The following PRKN variants were observed in gnomAD, a reference collection of about 807,000 sequenced individuals.
PRKN encodes the protein parkin RBR E3 ubiquitin protein ligase.
PRKN carries 56 observed loss-of-function variants against 59.5 expected under a neutral mutation model. The observed-to-expected ratio is 0.94, with a 90% CI of 0.76 to 1.18. The LOEUF is 1.18. PRKN is among the 50% of genes most tolerant of loss of function. The pLI, the probability that PRKN is intolerant of heterozygous loss-of-function variation, is 0.00. For missense variants in PRKN, 657 were observed against 596.4 expected, an observed-to-expected ratio of 1.10 and a Z score of -1.06; for synonymous variants, 250 against 222.1, an observed-to-expected ratio of 1.13 and a Z score of -1.12.
chr6:161,743,018 C>T (rs1788252390), intron 7 of PRKN, among the ~76,000 whole-genome samples: 1 of 152,230 alleles, frequency 6.6e-6, no homozygotes. Flanking sequence ...CTGTAATACT[C>T]TAAGAAGCAT....
At chr6:161,975,698 C>T (rs571602967) in intron 5 of PRKN, among the ~76,000 whole-genome samples, 9 of 152,216 alleles carry the variant, frequency 5.9e-5, no homozygotes, top group African/African-American at 9.6e-5. Flanking sequence ...CATCAAGATT[C>T]GCATTTCTAA....
chr6:161,422,342 G>GC (rs1788142935), intron 9 of PRKN, among the ~76,000 whole-genome samples: 2 of 151,830 alleles, frequency 1.3e-5, no homozygotes, highest in South Asian at 4.2e-4. Flanking sequence ...GGGACTACAG[G>GC]CACCCACCAC....
At chr6:161,657,660 T>C (rs943730629) in intron 7 of PRKN, among the ~76,000 whole-genome samples, 1 of 152,168 alleles carries the variant, frequency 6.6e-6, no homozygotes, top group Non-Finnish European at 1.5e-5. Context: ...CTTCTGTTTC[T>C]TGACACAGCC....
intron 6 of PRKN, among the ~76,000 whole-genome samples, chr6:161,868,711 A>G (rs963705616): frequency 6.6e-6 from 1 of 152,252 alleles, no homozygotes; most frequent in Non-Finnish European, 1.5e-5. Flanking sequence ...CACTAAGCAG[A>G]CATTTTGAAA....
intron 1 of PRKN, among the ~76,000 whole-genome samples, chr6:162,578,529 T>C (rs1780652354): frequency 6.6e-6 from 1 of 152,210 alleles, no homozygotes; most frequent in Non-Finnish European, 1.5e-5. Context: ...ATGTCTGTTT[T>C]GAGGACAATG....
chr6:161,497,592 C>T lies in PRKN; in HGVS notation c.1083+51262G>A, dbSNP rs1777803857. Among the ~76,000 whole-genome samples the T allele has an allele frequency of 6.6e-6, 1 of 152,120 alleles. No individual in the cohort carries two copies. On this transcript the variant is annotated intron_variant, in intron 9 of 11. Transcript: ENST00000366898. The surrounding 1 kb of genome is among the most constrained non-coding windows in gnomAD (Gnocchi z 4.6). ...TCTCTCTCTCTCACACACACACACACACACACCATATCCCACTTACAGACT... is the reference window on the plus strand; with the variant it reads ...TCTCTCTCTCTCACACACACACACATACACACCATATCCCACTTACAGACT...
At chr6:162,135,398 C>G (rs1177963792) in intron 4 of PRKN, among the ~76,000 whole-genome samples, 2 of 152,184 alleles carry the variant, frequency 1.3e-5, no homozygotes, top group Non-Finnish European at 2.9e-5. Flanking sequence ...AATATGGAAT[C>G]TGAGAAATTA....
Position 161,551,066 on chromosome 6 carries a change from T to C in PRKN, c.934-2063A>G, listed in dbSNP as rs1443925246. Among the ~76,000 whole-genome samples, 4 of 152,140 alleles carry C rather than the reference T, an allele frequency of 2.6e-5. No homozygotes were observed. The highest frequency in any genetic ancestry group is 9.7e-5 in the African/African-American group (4 of 41,416). ...CTAAGAGTTCGGATGGCAAACAAACTAGAATCTCTGAATTTATGGGGTAAG... is the reference window on the plus strand; with the variant it reads ...CTAAGAGTTCGGATGGCAAACAAACCAGAATCTCTGAATTTATGGGGTAAG... On this transcript the variant is annotated intron_variant, in intron 8 of 11. Coordinates refer to ENST00000366898, the MANE Select transcript of PRKN (RefSeq NM_004562.3). This position sits in a 1 kb window ranked among gnomAD's most constrained non-coding sequence, Gnocchi z 5.2.
chr6:161,367,887 A>G (rs1485747143), intron 10 of PRKN, among the ~76,000 whole-genome samples: 1 of 152,188 alleles, frequency 6.6e-6, no homozygotes, highest in African/African-American at 2.4e-5. Context: ...CTTGTCATTA[A>G]CTATTTCAGC....
chr6:161,372,486 G>A lies in PRKN; in HGVS notation c.1168-12281C>T, dbSNP rs1451966063. On this transcript the variant is annotated intron_variant, in intron 10 of 11. Transcript: ENST00000366898. This position sits in a 1 kb window ranked among gnomAD's most constrained non-coding sequence, Gnocchi z 4.2. ...AGAAATATTTTCATTCAAGAAACAT[G>A]TGTTGGGTGTCTAAGATGTGCCAGG... Among the ~76,000 whole-genome samples, 1 of 152,226 alleles carries A rather than the reference G, an allele frequency of 6.6e-6. No individual in the cohort carries two copies. Among genetic ancestry groups the A allele is most frequent in the Non-Finnish European group, 1.5e-5 (1 of 68,040 alleles).
intron 7 of PRKN, among the ~76,000 whole-genome samples, chr6:161,626,527 A>G (rs1783096458): frequency 6.6e-6 from 1 of 152,206 alleles, no homozygotes. Context: ...TGTGGTTGCC[A>G]GACTGAAAGA....
intron 6 of PRKN, among the ~76,000 whole-genome samples, chr6:161,912,620 G>A (rs1197956956): frequency 6.6e-6 from 1 of 151,998 alleles, no homozygotes; most frequent in Non-Finnish European, 1.5e-5. Flanking sequence ...AGAGAGCCCT[G>A]GAGGCTACAT....
chr6:161,923,662 G>A (rs77407668), intron 6 of PRKN, among the ~76,000 whole-genome samples: 2,358 of 152,140 alleles, frequency 0.015, 63 homozygotes, highest in East Asian at 0.069. Flanking sequence ...TAACTGTATT[G>A]TTATTGTTGC....
At chr6:162,595,749 T>C (rs1781476023) in intron 1 of PRKN, among the ~76,000 whole-genome samples, 1 of 152,178 alleles carries the variant, frequency 6.6e-6, no homozygotes, top group African/African-American at 2.4e-5. Flanking sequence ...GTTGAACATG[T>C]GTTCCTCTCT....
chr6:162,054,224 T>C (rs375005083), intron 4 of PRKN, 50 bp from the exon 5 acceptor site: 61 of 1,069,840 alleles, frequency 5.7e-5, no homozygotes, highest in Non-Finnish European at 7.9e-5. Context: ...AATAGAAATG[T>C]ACTCCTTAAG....
At chr6:161,509,679 A>G (rs566300167) in intron 9 of PRKN, among the ~76,000 whole-genome samples, 1 of 152,196 alleles carries the variant, frequency 6.6e-6, no homozygotes, top group Admixed American at 6.5e-5. Context: ...TAGGAGTTCG[A>G]GACCAGCCTG....
At chr6:162,374,776 A>G (rs1562711723) in intron 2 of PRKN, among the ~76,000 whole-genome samples, 2 of 152,016 alleles carry the variant, frequency 1.3e-5, no homozygotes, top group Admixed American at 6.6e-5. Context: ...AAAATATAGT[A>G]TTTTGGGGAG....
At chr6:162,466,298 G>A (rs1177165863) in intron 1 of PRKN, among the ~76,000 whole-genome samples, 2 of 152,092 alleles carry the variant, frequency 1.3e-5, no homozygotes, top group Admixed American at 6.5e-5. Context: ...TCTTCAGGAG[G>A]CAGAAGCAAT....
rs1779817850 is a variant in PRKN, at chr6:161,546,961, G to A, written c.1083+1893C>T. On this transcript the variant is annotated intron_variant, in intron 9 of 11. Transcript: ENST00000366898. The surrounding 1 kb of genome is among the most constrained non-coding windows in gnomAD (Gnocchi z 4.4). ...GTCATGTGAATGAGCTACCTTGGAA[G>A]TAGATCTTCCAGCCCCAGTTAAGCC... Among the ~76,000 whole-genome samples the A allele has an allele frequency of 6.6e-6, 1 of 152,164 alleles. No individual in the cohort carries two copies.
Sources: gnomAD v4.1 joint callset for allele counts (sites outside exome capture counted in the v4.1 genomes callset) on GRCh38, gnomAD v4.1.1 for gene constraint, Gnocchi (gnomAD v3.1) non-coding constraint, MANE v1.5 for transcripts, NCBI Gene and HGNC (gene_info 2026-07-23, HGNC 2026-07-21) for gene names.